The following BIRC3 variants were observed in gnomAD, a reference collection of about 807,000 sequenced individuals.
BIRC3 encodes the protein baculoviral IAP repeat containing 3.
In BIRC3, 26 loss-of-function variants were observed where a neutral mutation model predicts 59.0. The ratio of observed to expected loss-of-function variants is 0.44; its 90% CI spans 0.32 to 0.61. BIRC3 has a LOEUF of 0.61. Among genes scored for constraint, BIRC3 ranks in the 20% least tolerant of loss-of-function variants. The pLI, the probability that BIRC3 is intolerant of heterozygous loss-of-function variation, is 0.04. For synonymous variants in BIRC3, 243 were observed against 249.2 expected (o/e 0.98, Z 0.24); for missense variants, 641 against 711.5 (o/e 0.90, Z 1.13).
chr11:102,336,585 C>T (rs1296626764), intron 7 of BIRC3, 175 bp from the exon 8 acceptor site: 5 of 667,472 alleles, frequency 7.5e-6, no homozygotes, highest in African/African-American at 1.9e-5. Context: ...CAGACTCTGT[C>T]TCAAAAAAAA....
intron 2 of BIRC3, 22 bp downstream of exon 2, chr11:102,325,384 T>C: frequency 6.3e-7 from 1 of 1,583,302 alleles, no homozygotes; most frequent in Non-Finnish European, 8.6e-7. Flanking sequence ...AATCTGCTAA[T>C]TAAAAAAAAT....
At chr11:102,333,261 C>T (rs1044097487) in intron 6 of BIRC3, among the ~76,000 whole-genome samples, 6 of 150,752 alleles carry the variant, frequency 4.0e-5, no homozygotes, top group African/African-American at 1.2e-4. Context: ...TTTTTTTTTC[C>T]CAGAATAAAA....
At chr11:102,335,875 G>A in intron 6 of BIRC3, 91 bp from the exon 7 acceptor site, 1 of 1,324,974 alleles carries the variant, frequency 7.5e-7, no homozygotes, top group South Asian at 1.5e-5. Context: ...ACGAATTAAA[G>A]ATAGTTTTTA....
At chr11:102,334,035 T>C (rs979927473) in intron 6 of BIRC3, among the ~76,000 whole-genome samples, 9 of 152,324 alleles carry the variant, frequency 5.9e-5, no homozygotes, top group African/African-American at 2.2e-4. Context: ...AGTCTACAAC[T>C]TTGAAATGAG....
intron 3 of BIRC3, among the ~76,000 whole-genome samples, chr11:102,327,846 C>T (rs139442961): frequency 4.6e-5 from 7 of 151,930 alleles, no homozygotes; most frequent in East Asian, 3.9e-4. Flanking sequence ...AAAAGCAATA[C>T]AATAGAATCA....
At chr11:102,328,261 T>G in intron 4 of BIRC3, 131 bp downstream of exon 4, 1 of 708,092 alleles carries the variant, frequency 1.4e-6, no homozygotes, top group Non-Finnish European at 2.4e-6. Context: ...TTATCAAACC[T>G]GACATGATTT....
chr11:102,328,084 A>G lies in BIRC3; in HGVS notation c.986A>G (p.Glu329Gly), dbSNP rs775905642. 7 of 1,609,986 alleles carry G rather than the reference A, an allele frequency of 4.3e-6. No individual in the cohort carries two copies. Among genetic ancestry groups the G allele is most frequent in the Non-Finnish European group, 5.9e-6 (7 of 1,178,754 alleles). ...TACTTGATAAGAATTAAAGGACAGGAGTTCATCCGTCAAGTTCAAGCCAGT... is the reference window on the plus strand; with the variant it reads ...TACTTGATAAGAATTAAAGGACAGGGGTTCATCCGTCAAGTTCAAGCCAGT... Reference protein sequence around the residue: ...CEYLIRIKGQEFIRQVQASYP... With the variant: ...CEYLIRIKGQGFIRQVQASYP... Residue 329 changes from glutamate to glycine, a missense_variant, in exon 4 of 9, where the codon GAG becomes GGG. This residue lies in a region of BIRC3 where 268 missense variants were observed against 255.7 expected (regional missense o/e 1.05). Transcript: ENST00000263464.
At chr11:102,335,488 T>C (rs1343033972) in intron 6 of BIRC3, among the ~76,000 whole-genome samples, 4 of 152,178 alleles carry the variant, frequency 2.6e-5, no homozygotes, top group African/African-American at 9.7e-5. Context: ...CTTCGGCAAC[T>C]TAATTGCCTC....
Position 102,329,016 on chromosome 11 carries a change from A to G in BIRC3, c.1081+71A>G, listed in dbSNP as rs1951113051. 6.9e-6 allele frequency: 6 copies of G among 873,078 alleles called. No individual in the cohort carries two copies. The South Asian group carries it at 9.0e-5, about 13-fold the overall frequency. 54.1% of individuals were successfully genotyped at this position (873,078 alleles called of 1,614,324 possible). ...GGTACTGTTAATATTGAAAGTTGAT[A>G]ATAGTAATGTACCTGTATATTGATT... On this transcript the variant is annotated intron_variant, in intron 5 of 8. Coordinates refer to ENST00000263464, the MANE Select transcript of BIRC3 (RefSeq NM_001165.5).
chr11:102,317,912 C>G (rs1950987281), intron 1 of BIRC3, among the ~76,000 whole-genome samples: 1 of 152,174 alleles, frequency 6.6e-6, no homozygotes, highest in Non-Finnish European at 1.5e-5. Flanking sequence ...CAGGACAGAG[C>G]CTAAGGCAGA....
At chr11:102,336,870 G>A (rs1951202075) in intron 8 of BIRC3, 39 bp from the exon 9 acceptor site, 2 of 1,589,770 alleles carry the variant, frequency 1.3e-6, no homozygotes, top group African/African-American at 1.4e-5. Context: ...CACTGAAGAA[G>A]CAAACTGCCT....
At chr11:102,319,044 T>A (rs973296689) in intron 1 of BIRC3, among the ~76,000 whole-genome samples, 3 of 68,814 alleles carry the variant, frequency 4.4e-5, no homozygotes, top group African/African-American at 1.4e-4. Flanking sequence ...TGAAAGAGGA[T>A]TTTTTTTTTT....
chr11:102,336,609 A>G, intron 7 of BIRC3, 151 bp from the exon 8 acceptor site: 1 of 754,772 alleles, frequency 1.3e-6, no homozygotes, highest in Non-Finnish European at 2.1e-6. Context: ...AATCTAATTT[A>G]TAGATATTAG....
chr11:102,318,074 G>A (rs932803968), intron 1 of BIRC3, among the ~76,000 whole-genome samples: 2 of 152,104 alleles, frequency 1.3e-5, no homozygotes, highest in African/African-American at 4.8e-5. Context: ...ATTGTCGAAG[G>A]CATGTACCTG....
At chr11:102,333,582 A>G (rs1210048598) in intron 6 of BIRC3, among the ~76,000 whole-genome samples, 1 of 151,590 alleles carries the variant, frequency 6.6e-6, no homozygotes, top group East Asian at 1.9e-4. Context: ...GAAAAAAAAA[A>G]AAGAAAGAAA....
At position 102,335,637 on chromosome 11, in the gene BIRC3, C is replaced by CATT. The variant is rs17883841; in HGVS notation, c.1325-311_1325-309dup. Among the ~76,000 whole-genome samples the CATT allele has an allele frequency of 4.5e-3, 684 of 151,854 alleles. 2 individuals are homozygous for CATT. The highest frequency in any genetic ancestry group is 0.015 in the African/African-American group (641 of 41,444). On this transcript the variant is annotated intron_variant, in intron 6 of 8. Transcript: ENST00000263464. ...AAATGTTAGTCCTTACTATAAGTAGCATTATTATTATTATTATTATATTTT... is the reference window on the plus strand; with the variant it reads ...AAATGTTAGTCCTTACTATAAGTAGCATTATTATTATTATTATTATTATATTTT...
chr11:102,333,235 A>G (rs1181823136), intron 6 of BIRC3, among the ~76,000 whole-genome samples: 2 of 152,168 alleles, frequency 1.3e-5, no homozygotes, highest in African/African-American at 4.8e-5. Flanking sequence ...ATATAAATAA[A>G]GAGGTAATTT....
intron 6 of BIRC3, among the ~76,000 whole-genome samples, chr11:102,331,716 C>T (rs1591523962): frequency 6.6e-6 from 1 of 152,160 alleles, no homozygotes; most frequent in African/African-American, 2.4e-5. Context: ...ATGATCTCAA[C>T]TCACTGCAAC....
chr11:102,336,685 C>T (rs576820786), intron 7 of BIRC3, 75 bp from the exon 8 acceptor site: 2 of 1,421,548 alleles, frequency 1.4e-6, no homozygotes, highest in African/African-American at 2.9e-5. Context: ...CTAAAGTGTT[C>T]ATTTTTAAAA....
Sources: gnomAD v4.1 joint callset for allele counts (sites outside exome capture counted in the v4.1 genomes callset) on GRCh38, gnomAD v4.1.1 for gene constraint, gnomAD v4.1.1 regional missense constraint, MANE v1.5 for transcripts, NCBI Gene and HGNC (gene_info 2026-07-23, HGNC 2026-07-21) for gene names.